The following ZDHHC11 variants were observed in gnomAD, a reference collection of about 807,000 sequenced individuals.
ZDHHC11 encodes palmitoyltransferase ZDHHC11.
Under a neutral mutation model 51.3 loss-of-function variants are expected in ZDHHC11, and 44 were observed. The ratio of observed to expected loss-of-function variants is 0.86; its 90% CI spans 0.67 to 1.10. The LOEUF is 1.10. Ranked by LOEUF, ZDHHC11 falls within the 50% of genes least tolerant of loss-of-function variation. ZDHHC11 has a pLI of 0.00. For missense variants in ZDHHC11, 400 were observed against 537.7 expected, an observed-to-expected ratio of 0.74 and a Z score of 2.53; for synonymous variants, 163 against 222.0, an observed-to-expected ratio of 0.73 and a Z score of 2.36.
In ZDHHC11 at chr5:814,753, G is replaced by A. The variant is rs370393986; in HGVS notation, c.1181+8C>T. On this transcript the variant is annotated splice_region_variant and intron_variant, in intron 11 of 12. Transcript: ENST00000283441. The stretch of plus-strand genomic sequence containing the variant: ...GACAAAACGTTCCCGTTAAACTTAC[G>A]AACTTACCCAAGTGTAGATATACTC... 11 of 1,558,164 alleles carry A rather than the reference G, an allele frequency of 7.1e-6. No individual in the cohort carries two copies. The highest frequency in any genetic ancestry group is 2.7e-5 in the African/African-American group (2 of 72,868).
At chr5:830,881 G>A (rs572729782) in intron 7 of ZDHHC11, among the ~76,000 whole-genome samples, 492 of 151,216 alleles carry the variant, frequency 3.3e-3, no homozygotes, top group Non-Finnish European at 5.3e-3. Flanking sequence ...GTGGGGAAAG[G>A]ACATCCTATT....
chr5:834,013 T>C (rs1368276066), intron 6 of ZDHHC11, among the ~76,000 whole-genome samples: 1 of 152,294 alleles, frequency 6.6e-6, no homozygotes, highest in African/African-American at 2.4e-5. Flanking sequence ...GGGATTCTGG[T>C]CATGTATTAG....
At chr5:821,917 T>C in intron 8 of ZDHHC11, 22 bp from the exon 9 acceptor site, 1 of 1,595,780 alleles carries the variant, frequency 6.3e-7, no homozygotes, top group Non-Finnish European at 8.6e-7. Flanking sequence ...TGAAGCAAAA[T>C]TCATAGAATG....
upstream of ZDHHC11, among the ~76,000 whole-genome samples, chr5:859,328 G>A (rs943104138): frequency 5.9e-5 from 9 of 152,038 alleles, no homozygotes; most frequent in African/African-American, 1.2e-4. Flanking sequence ...AAAAGAGCTC[G>A]CTTTGTCTGT....
intron 7 of ZDHHC11, among the ~76,000 whole-genome samples, chr5:831,017 C>T (rs1743003998): frequency 6.7e-6 from 1 of 150,136 alleles, no homozygotes; most frequent in South Asian, 2.1e-4. Context: ...GCAAAATCTA[C>T]AAGATATCAT....
At chr5:837,764 T>C (rs907090517) in intron 5 of ZDHHC11, among the ~76,000 whole-genome samples, 6 of 151,822 alleles carry the variant, frequency 4.0e-5, no homozygotes, top group African/African-American at 7.2e-5. Context: ...TTGAGCTGCA[T>C]TGTTAGTGGT....
chr5:843,476 A>T, intron 4 of ZDHHC11, 124 bp downstream of exon 4: 1 of 1,477,112 alleles, frequency 6.8e-7, no homozygotes, highest in Non-Finnish European at 9.0e-7. Flanking sequence ...CAGAGCCTGC[A>T]TGGGGCTGCC....
At chr5:825,626 T>C (rs1303360165) in intron 7 of ZDHHC11, among the ~76,000 whole-genome samples, 1 of 152,168 alleles carries the variant, frequency 6.6e-6, no homozygotes, top group East Asian at 1.9e-4. Flanking sequence ...TGGAGACTCA[T>C]ACTGTGGCCT....
chr5:840,845 G>T (rs1192062984), intron 4 of ZDHHC11, 195 bp from the exon 5 acceptor site: 1 of 1,469,448 alleles, frequency 6.8e-7, no homozygotes, highest in Non-Finnish European at 9.0e-7. Context: ...TGGTTTTCAT[G>T]ATCCCTGCTT....
At chr5:858,845 A>G (rs1330879875) in intron 1 of ZDHHC11, among the ~76,000 whole-genome samples, 1 of 151,982 alleles carries the variant, frequency 6.6e-6, no homozygotes, top group Admixed American at 6.6e-5. Flanking sequence ...TTTTGGGAAC[A>G]TGGGAAAGTA....
chr5:835,610 C>A (rs1055510349), intron 6 of ZDHHC11, among the ~76,000 whole-genome samples: 1 of 152,012 alleles, frequency 6.6e-6, no homozygotes, highest in African/African-American at 2.4e-5. Context: ...CATTTTAGGA[C>A]CACCTTGTCA....
intron 10 of ZDHHC11, chr5:816,888 C>A: frequency 2.2e-6 from 1 of 451,906 alleles, no homozygotes; most frequent in South Asian, 1.9e-5. Flanking sequence ...AAGCCAAGTT[C>A]ACCAAGTCTA....
rs772432837 is a variant in ZDHHC11 at position 850,507 on chromosome 5, G to A, written c.96C>T (p.Asn32=). ...AGTAGTGCAGGGGTAACGACCAGCC[G>A]TTCACTCTGGAGATGCGGGGCGGCA... ...LVLPPRISRV[N]GWSLPLHYFQ... The change falls in exon 1 of 13, where the codon AAC becomes AAT. Residue 32 remains asparagine, a synonymous_variant. Coordinates refer to ENST00000283441, the MANE Select transcript of ZDHHC11 (RefSeq NM_024786.3). 9.9e-6 allele frequency: 16 copies of A among 1,613,634 alleles called. No individual in the cohort carries two copies. The Admixed American group carries it at 1.3e-4, about 13-fold the overall frequency.
At chr5:854,298 C>A (rs1004754181), upstream of ZDHHC11, among the ~76,000 whole-genome samples, 5 of 147,878 alleles carry the variant, frequency 3.4e-5, no homozygotes, top group East Asian at 1.0e-3. Context: ...ACAGACCCCA[C>A]GGAGGACAGC....
Position 801,773 on chromosome 5 carries a change from A to G in ZDHHC11, c.1182-609T>C, listed in dbSNP as rs1428561919. 3.3e-5 allele frequency among the ~76,000 whole-genome samples: 5 copies of G among 151,170 alleles called. 1 individual carries two copies. Among genetic ancestry groups the G allele is most frequent in the Admixed American group, 6.6e-5 (1 of 15,210 alleles). ...ACGCTGAATGTGTCGGGAATTAGAC[A>G]CCAGAAACACGCAAAATTTTGCTTT... On this transcript the variant is annotated intron_variant, in intron 11 of 12. Transcript: ENST00000283441.
At chr5:825,116 T>C (rs1425465062) in intron 8 of ZDHHC11, 48 bp downstream of exon 8, 1 of 1,566,714 alleles carries the variant, frequency 6.4e-7, no homozygotes, top group Non-Finnish European at 8.8e-7. Context: ...CCACATATTC[T>C]GCACACGGCC....
At chr5:815,213 C>A (rs906388607) in intron 10 of ZDHHC11, among the ~76,000 whole-genome samples, 1 of 151,560 alleles carries the variant, frequency 6.6e-6, no homozygotes, top group Non-Finnish European at 1.5e-5. Context: ...ATCTACAAGG[C>A]AAGGAGAGAG....
At chr5:846,708 T>C (rs866145579) in intron 3 of ZDHHC11, among the ~76,000 whole-genome samples, 7 of 108,686 alleles carry the variant, frequency 6.4e-5, no homozygotes, top group African/African-American at 2.9e-4. Flanking sequence ...CCTCTCGTCC[T>C]TGAGCCTCCA....
Position 842,039 on chromosome 5 carries a change from G to C in ZDHHC11, c.629-1389C>G, listed in dbSNP as rs73730968. On this transcript the variant is annotated intron_variant, in intron 4 of 12. Transcript: ENST00000283441. ...TCACGATGAGTTCAGCCCATGAGAA[G>C]AAGGAGCAGCTTTGCTCAGGGCCTT... is the stretch of plus-strand genomic sequence containing the variant. 5.7e-3 allele frequency: 5,623 copies of C among 985,658 alleles called. 226 individuals carry two copies. The African/African-American group carries it at 0.08, about 14-fold the overall frequency. The allele number at this position is 985,658 out of a possible 1,614,324, so 61.1% of individuals were successfully genotyped here. A position where few individuals can be genotyped will look rare whatever the true frequency, so the allele number is the denominator to read the frequency against.
Sources: gnomAD v4.1 joint callset for allele counts (sites outside exome capture counted in the v4.1 genomes callset) on GRCh38, gnomAD v4.1.1 for gene constraint, MANE v1.5 for transcripts, NCBI Gene and HGNC (gene_info 2026-07-23, HGNC 2026-07-21) for gene names.